The following MBD5 variants were observed in gnomAD, a reference collection of about 807,000 sequenced individuals.
MBD5 encodes the protein methyl-CpG-binding domain protein 5.
Under a neutral mutation model 117.3 loss-of-function variants are expected in MBD5, and 13 were observed. The ratio of observed to expected loss-of-function variants is 0.11; its 90% CI spans 0.07 to 0.18. The LOEUF (loss-of-function observed/expected upper bound fraction) is 0.18, where lower values mean the gene tolerates loss of function less well. MBD5 is among the 10% of genes least tolerant of loss of function. MBD5 has a pLI of 1.00. For synonymous variants in MBD5, 727 were observed against 766.4 expected (o/e 0.95, Z 0.85); for missense variants, 1,879 against 2,093.8 (o/e 0.90, Z 2.00).
intron 1 of MBD5, among the ~76,000 whole-genome samples, chr2:148,093,250 T>G (rs1276437523): frequency 1.3e-5 from 2 of 152,170 alleles, no homozygotes; most frequent in Non-Finnish European, 2.9e-5. Context: ...AAACTATCTA[T>G]GCAAACAGGC....
At position 148,469,250 on chromosome 2, in the gene MBD5, C is replaced by A. The variant is rs936204699; in HGVS notation, c.1307C>A (p.Pro436His). 1 of 1,614,020 alleles carries A rather than the reference C, an allele frequency of 6.2e-7. No individual in the cohort carries two copies. Among genetic ancestry groups the A allele is most frequent in the Non-Finnish European group, 8.5e-7 (1 of 1,179,972 alleles). The change falls in exon 8 of 14, where the codon CCT becomes CAT. Residue 436 changes from proline (P) to histidine (H), a missense_variant. Pro to His is a moderately conservative substitution (Grantham distance 77, BLOSUM62 -2). This residue lies in a region of MBD5 where 1,666 missense variants were observed against 1,792.2 expected (regional missense o/e 0.93). Transcript: ENST00000642680. The part of the protein sequence containing the change: ...VQHSASTSLS[P>H]SPVTSPVHMM... Reference sequence around the variant, plus strand: ...CATTCAGCTTCAACCTCCCTGTCCCCTTCTCCAGTGACATCCCCCGTGCAC... The same window carrying A: ...CATTCAGCTTCAACCTCCCTGTCCCATTCTCCAGTGACATCCCCCGTGCAC...
chr2:148,151,934 C>A (rs1046918690), intron 1 of MBD5, among the ~76,000 whole-genome samples: 14 of 151,668 alleles, frequency 9.2e-5, no homozygotes, highest in African/African-American at 1.9e-4. Context: ...TTGTGTCTCT[C>A]TTTCCTTCAG....
intron 4 of MBD5, among the ~76,000 whole-genome samples, chr2:148,363,046 C>A (rs1469844636): frequency 3.9e-5 from 6 of 152,120 alleles, no homozygotes; most frequent in Non-Finnish European, 8.8e-5. Flanking sequence ...CAGTGCAAAA[C>A]GGCTGAAAAT....
At chr2:148,443,390 T>C (rs999547762) in intron 4 of MBD5, among the ~76,000 whole-genome samples, 4 of 151,328 alleles carry the variant, frequency 2.6e-5, no homozygotes, top group Non-Finnish European at 5.9e-5. Context: ...ATCTCACTCC[T>C]AGGTAGATAC....
chr2:148,126,341 G>A (rs895370022), intron 1 of MBD5, among the ~76,000 whole-genome samples: 11 of 147,454 alleles, frequency 7.5e-5, no homozygotes, highest in Admixed American at 2.1e-4. Context: ...AGGAGGCAGA[G>A]TTTGTAGTGA....
At chr2:148,211,152 G>T (rs984490156) in intron 2 of MBD5, among the ~76,000 whole-genome samples, 2 of 152,114 alleles carry the variant, frequency 1.3e-5, no homozygotes, top group Admixed American at 6.5e-5. Context: ...GATAGATTTA[G>T]GGGGACTTTG....
intron 1 of MBD5, among the ~76,000 whole-genome samples, chr2:148,127,948 T>C (rs1402077792): frequency 1.3e-5 from 2 of 152,234 alleles, no homozygotes; most frequent in South Asian, 2.1e-4. Flanking sequence ...AGATGGTATC[T>C]CATTGTTGTT....
At chr2:148,202,748 C>G (rs575180721) in intron 2 of MBD5, among the ~76,000 whole-genome samples, 20 of 151,972 alleles carry the variant, frequency 1.3e-4, no homozygotes, top group Admixed American at 1.3e-3. Flanking sequence ...GTTCTTTAGG[C>G]CAGGTGTGGT....
chr2:148,097,692 G>A (rs766045774), intron 1 of MBD5, among the ~76,000 whole-genome samples: 1 of 152,202 alleles, frequency 6.6e-6, no homozygotes, highest in African/African-American at 2.4e-5. Flanking sequence ...CCTGGGCAAT[G>A]TAGACGAGGT....
At chr2:148,241,128 T>G (rs1156798331) in intron 3 of MBD5, among the ~76,000 whole-genome samples, 1 of 152,158 alleles carries the variant, frequency 6.6e-6, no homozygotes, top group Admixed American at 6.6e-5. Flanking sequence ...AATTTTTTAC[T>G]GTATGTTAGA....
chr2:148,108,459 T>A (rs1244877444), intron 1 of MBD5, among the ~76,000 whole-genome samples: 3 of 152,022 alleles, frequency 2.0e-5, no homozygotes, highest in African/African-American at 7.2e-5. Context: ...TAGTTTATGC[T>A]TACACTAAGT....
chr2:148,335,796 C>G (rs773391735), intron 3 of MBD5, among the ~76,000 whole-genome samples: 1 of 151,906 alleles, frequency 6.6e-6, no homozygotes, highest in East Asian at 1.9e-4. Flanking sequence ...CACCATGAGC[C>G]AGACAATTTG....
chr2:148,124,020 G>A (rs950299630), intron 1 of MBD5, among the ~76,000 whole-genome samples: 7 of 152,068 alleles, frequency 4.6e-5, no homozygotes, highest in South Asian at 2.1e-4. Context: ...TGGCTCATAC[G>A]TGTAATACAG....
At chr2:148,377,345 T>C (rs1398209228) in intron 4 of MBD5, among the ~76,000 whole-genome samples, 1 of 152,186 alleles carries the variant, frequency 6.6e-6, no homozygotes, top group Admixed American at 6.5e-5. Context: ...TGGGTCTGCC[T>C]TTCCCAGCCC....
rs1681249919 is a variant in MBD5 at position 148,483,906 on chromosome 2, A to G, written c.3315A>G (p.Pro1105=). The G allele has an allele frequency of 6.4e-7, 1 of 1,550,582 alleles. No homozygotes were observed. Among genetic ancestry groups the G allele is most frequent in the Non-Finnish European group, 8.7e-7 (1 of 1,146,962 alleles). The part of the protein sequence containing the change: ...NSASANTANH[P]EVSIATSSQA... ...CATCGGCCAACACCGCTAATCATCC[A>G]GAGGTTTCCATAGCAACCTCCTCCC... Residue 1105 remains proline (P), a synonymous_variant, in exon 9 of 14, where the codon CCA becomes CCG. Coordinates refer to ENST00000642680, the MANE Select transcript of MBD5 (RefSeq NM_001378120.1).
intron 4 of MBD5, among the ~76,000 whole-genome samples, chr2:148,360,633 A>G (rs1433290287): frequency 6.6e-6 from 1 of 152,060 alleles, no homozygotes; most frequent in East Asian, 1.9e-4. Flanking sequence ...ACAGTATTCA[A>G]AGTAGTCCAT....
intron 1 of MBD5, among the ~76,000 whole-genome samples, chr2:148,178,431 G>A (rs1243993388): frequency 6.6e-6 from 1 of 152,112 alleles, no homozygotes; most frequent in East Asian, 1.9e-4. Flanking sequence ...TAGAAACTAG[G>A]TAGGCAGATC....
chr2:148,254,119 C>A (rs950826501), intron 3 of MBD5, among the ~76,000 whole-genome samples: 1 of 152,218 alleles, frequency 6.6e-6, no homozygotes, highest in Non-Finnish European at 1.5e-5. Context: ...CCACTCATGA[C>A]TATTAGGGCC....
At chr2:148,253,015 T>C (rs1040352818) in intron 3 of MBD5, among the ~76,000 whole-genome samples, 4 of 152,052 alleles carry the variant, frequency 2.6e-5, no homozygotes, top group African/African-American at 4.8e-5. Flanking sequence ...GGCCCAGAAA[T>C]GGAAATCGGG....
Sources: allele counts gnomAD v4.1 joint callset (sites outside exome capture counted in the v4.1 genomes callset), GRCh38; gene constraint gnomAD v4.1.1; regional missense constraint gnomAD v4.1.1; transcripts MANE v1.5; gene names NCBI Gene and HGNC (gene_info 2026-07-23, HGNC 2026-07-21).